The following CFAP52 variants were observed in gnomAD, a reference collection of about 807,000 sequenced individuals.
The protein encoded by CFAP52 is cilia and flagella associated protein 52.
Under a neutral mutation model 70.5 loss-of-function variants are expected in CFAP52, and 57 were observed. That is an observed-to-expected ratio of 0.81 (90% CI 0.65 to 1.01). The LOEUF is 1.01. Ranked by LOEUF, CFAP52 falls within the 50% of genes least tolerant of loss-of-function variation. The probability of loss-of-function intolerance (pLI) is 0.00; values close to 1 mark genes in which losing one functional copy is unlikely to be tolerated. For synonymous variants in CFAP52, 267 were observed against 292.5 expected (o/e 0.91, Z 0.89); for missense variants, 785 against 788.5 (o/e 1.00, Z 0.05).
chr17:9,597,803 A>AAGAGAGAGAGAGAGAGAGAGAG (rs10548437), intron 4 of CFAP52, among the ~76,000 whole-genome samples: 3 of 139,016 alleles, frequency 2.2e-5, no homozygotes, highest in African/African-American at 8.2e-5. Flanking sequence ...CTCTGTCAGA[A>AAGAGAGAGAGAGAGAGAGAGAG]AGAGAGAGAG....
At chr17:9,596,971 G>T (rs1257012114) in intron 4 of CFAP52, among the ~76,000 whole-genome samples, 5 of 152,010 alleles carry the variant, frequency 3.3e-5, no homozygotes, top group Non-Finnish European at 5.9e-5. Context: ...ACCCACCTTT[G>T]CCTCCCAAAG....
intron 4 of CFAP52, among the ~76,000 whole-genome samples, chr17:9,595,511 G>A (rs1477307615): frequency 6.6e-6 from 1 of 152,084 alleles, no homozygotes; most frequent in Non-Finnish European, 1.5e-5. Flanking sequence ...ACTTTTTTCA[G>A]ATTTGCAGAG....
intron 5 of CFAP52, 138 bp downstream of exon 5, chr17:9,598,471 G>A (rs1179542841): frequency 4.8e-6 from 3 of 630,784 alleles, no homozygotes; most frequent in Non-Finnish European, 7.8e-6. Context: ...GATTGAAGAA[G>A]CTCACTTTGG....
chr17:9,597,949 T>C (rs1365762143), intron 4 of CFAP52, among the ~76,000 whole-genome samples: 1 of 152,188 alleles, frequency 6.6e-6, no homozygotes, highest in Non-Finnish European at 1.5e-5. Flanking sequence ...CTTGTGTGTT[T>C]GTTTTCAGTA....
chr17:9,635,298 A>G, intron 10 of CFAP52, 107 bp from the exon 11 acceptor site: 1 of 1,500,932 alleles, frequency 6.7e-7, no homozygotes, highest in Non-Finnish European at 9.0e-7. Context: ...AGGGAATTAA[A>G]AAAACACAAA....
intron 11 of CFAP52, among the ~76,000 whole-genome samples, chr17:9,636,913 C>T (rs1469675886): frequency 6.6e-6 from 1 of 152,072 alleles, no homozygotes; most frequent in East Asian, 1.9e-4. Flanking sequence ...GGCGTGGTGG[C>T]GCGTGCCTGT....
At chr17:9,611,604 G>T (rs1909713890) in intron 7 of CFAP52, among the ~76,000 whole-genome samples, 1 of 152,156 alleles carries the variant, frequency 6.6e-6, no homozygotes, top group South Asian at 2.1e-4. Flanking sequence ...GCCTCAAGTG[G>T]TCCTCCTTGC....
At chr17:9,594,171 T>G in intron 3 of CFAP52, 22 bp from the exon 4 acceptor site, 1 of 1,548,630 alleles carries the variant, frequency 6.5e-7, no homozygotes, top group Non-Finnish European at 8.7e-7. Context: ...CTTTTTTTTT[T>G]TGGTCCCTCT....
At chr17:9,622,165 A>AT (rs1425513779) in intron 8 of CFAP52, among the ~76,000 whole-genome samples, 3 of 152,118 alleles carry the variant, frequency 2.0e-5, no homozygotes, top group Non-Finnish European at 4.4e-5. Flanking sequence ...GATCTTTGCT[A>AT]TTATCAGTCT....
intron 3 of CFAP52, among the ~76,000 whole-genome samples, chr17:9,589,429 T>A (rs1298362953): frequency 6.6e-6 from 1 of 152,140 alleles, no homozygotes; most frequent in Non-Finnish European, 1.5e-5. Flanking sequence ...ACCACTTGAC[T>A]GTTTCTGATA....
At chr17:9,599,570 C>A (rs1909172441) in intron 5 of CFAP52, among the ~76,000 whole-genome samples, 1 of 152,100 alleles carries the variant, frequency 6.6e-6, no homozygotes, top group Non-Finnish European at 1.5e-5. Context: ...CTATGTGTAG[C>A]CCTTACCCTG....
chr17:9,634,121 C>T (rs1198722190), intron 10 of CFAP52, among the ~76,000 whole-genome samples: 1 of 152,204 alleles, frequency 6.6e-6, no homozygotes, highest in African/African-American at 2.4e-5. Flanking sequence ...TTTGCTCACA[C>T]ATTTTTCTCT....
intron 4 of CFAP52, among the ~76,000 whole-genome samples, chr17:9,596,176 T>C (rs2151934093): frequency 6.7e-6 from 1 of 149,024 alleles, no homozygotes; most frequent in South Asian, 2.1e-4. Context: ...CTCAGCTCAC[T>C]GCAACCTCTG....
chr17:9,582,900 G>C (rs907777112), intron 1 of CFAP52, among the ~76,000 whole-genome samples: 1 of 152,228 alleles, frequency 6.6e-6, no homozygotes, highest in Non-Finnish European at 1.5e-5. Flanking sequence ...GCCTCCCAAA[G>C]TGCTGGGATT....
Position 9,594,242 on chromosome 17 carries a change from G to T in CFAP52, c.457G>T (p.Ala153Ser), listed in dbSNP as rs1416733054. Reference sequence around the variant, plus strand: ...GAGAGATGCCATCTGTGGCAGCCCTGCAGCCGGCCTCAATGTTGGCAATGC... The same window carrying T: ...GAGAGATGCCATCTGTGGCAGCCCTTCAGCCGGCCTCAATGTTGGCAATGC... ...AKRDAICGSP[A>S]AGLNVGNATN... The change falls in exon 4 of 14, where the codon GCA becomes TCA. Residue 153 changes from alanine to serine, a missense_variant. Coordinates refer to ENST00000352665, the MANE Select transcript of CFAP52 (RefSeq NM_145054.5). 1 of 1,613,764 alleles carries T rather than the reference G, an allele frequency of 6.2e-7. No homozygotes were observed. The highest frequency in any genetic ancestry group is 2.2e-5 in the East Asian group (1 of 44,880).
downstream of CFAP52, chr17:9,645,341 A>G: frequency 4.4e-6 from 1 of 225,602 alleles, no homozygotes; most frequent in Middle Eastern, 1.5e-3. The surrounding 1 kb of genome is among the most constrained non-coding windows in gnomAD (Gnocchi z 6.8). Context: ...TCGGTTTACG[A>G]GGTAAGGAAG....
intron 8 of CFAP52, among the ~76,000 whole-genome samples, chr17:9,627,586 C>G (rs1419021933): frequency 6.6e-6 from 1 of 152,170 alleles, no homozygotes; most frequent in Non-Finnish European, 1.5e-5. Flanking sequence ...TTAATACAAG[C>G]AATCCAAGGC....
downstream of CFAP52, chr17:9,645,452 G>A: frequency 2.2e-6 from 1 of 462,596 alleles, no homozygotes; most frequent in East Asian, 5.9e-5. The surrounding 1 kb of genome is among the most constrained non-coding windows in gnomAD (Gnocchi z 6.8). Flanking sequence ...GGCTGGTCGT[G>A]CCGCCGGATT....
intron 6 of CFAP52, 42 bp downstream of exon 6, chr17:9,600,225 T>G: frequency 5.9e-6 from 9 of 1,520,390 alleles, no homozygotes; most frequent in Non-Finnish European, 7.3e-6. Context: ...TTTTTCTCCC[T>G]TCACTGGCAG....
Sources: allele counts gnomAD v4.1 joint callset (sites outside exome capture counted in the v4.1 genomes callset), GRCh38; gene constraint gnomAD v4.1.1; non-coding constraint Gnocchi (gnomAD v3.1); transcripts MANE v1.5; gene names NCBI Gene and HGNC (gene_info 2026-07-23, HGNC 2026-07-21).